PDLIM2: variants seen among roughly 807,000 people sequenced by gnomAD.
PDLIM2 encodes PDZ and LIM domain 2.
A neutral mutation model predicts 54.1 loss-of-function variants in PDLIM2; 51 were observed. That is an observed-to-expected ratio of 0.94 (90% CI 0.75 to 1.19). PDLIM2 has a LOEUF of 1.19. Ranked by LOEUF, PDLIM2 falls within the 50% of genes most tolerant of loss-of-function variation. PDLIM2 has a pLI of 0.00. For missense variants in PDLIM2, 912 were observed against 874.0 expected, an observed-to-expected ratio of 1.04 and a Z score of -0.55; for synonymous variants, 398 against 385.6, an observed-to-expected ratio of 1.03 and a Z score of -0.38.
chr8:22,595,438 A>T (rs1221805670), downstream of PDLIM2: 1 of 152,214 alleles, frequency 6.6e-6, no homozygotes, highest in African/African-American at 2.4e-5. Context: ...TCACGGGGCA[A>T]CACTGGGCTT....
rs574629396 is a variant in PDLIM2 at position 22,590,164 on chromosome 8, G to C, written c.1513+423G>C. The C allele has an allele frequency of 1.1e-3, 205 of 190,284 alleles. 1 individual carries two copies. Among genetic ancestry groups the C allele is most frequent in the Non-Finnish European group, 1.9e-3 (175 of 90,992 alleles). 11.8% of individuals were successfully genotyped at this position (190,284 alleles called of 1,614,324 possible). On this transcript the variant is annotated intron_variant, in intron 8 of 9. Coordinates refer to ENST00000308354, the Ensembl canonical transcript of PDLIM2. ...GAAGGTGGAGGCTGGCGGCCAGAGG[G>C]CTTTGGGGTGTGGGAGTGAGAGAAT...
Position 22,584,906 on chromosome 8 carries a change from C to T in PDLIM2, c.1065+16C>T, listed in dbSNP as rs766359450. 28 of 1,614,088 alleles carry T rather than the reference C, an allele frequency of 1.7e-5. No homozygotes were observed. The highest frequency in any genetic ancestry group is 2.2e-5 in the Non-Finnish European group (26 of 1,179,982). On this transcript the variant is annotated intron_variant, in intron 4 of 9. Transcript: ENST00000308354. ...TCGCTTCCAGGTAAGCTGGTGCCCT[C>T]CCCTGACAGCCTCAGCACCCTGATC...
intron 9 of PDLIM2, chr8:22,592,019 AT>A: frequency 1.2e-5 from 2 of 164,094 alleles, no homozygotes; most frequent in Non-Finnish European, 2.4e-5. Context: ...AGCAGGCTGC[AT>A]TTTTCCCGAT....
At chr8:22,580,996 C>G in intron 2 of PDLIM2, 1 of 658,348 alleles carries the variant, frequency 1.5e-6, no homozygotes, top group Non-Finnish European at 2.9e-6. Flanking sequence ...AACAAGAGCC[C>G]CGGAGTTCTT....
chr8:22,581,183 G>A, intron 2 of PDLIM2, 196 bp from the exon 2 acceptor site: 1 of 674,324 alleles, frequency 1.5e-6, no homozygotes, highest in Non-Finnish European at 2.6e-6. Context: ...GAATGCCAGT[G>A]TGGGGTGGGG....
At chr8:22,587,849 G>A (rs545475959) in intron 6 of PDLIM2, 1 of 152,492 alleles carries the variant, frequency 6.6e-6, no homozygotes, top group African/African-American at 2.4e-5. Flanking sequence ...AGAGCTGGAG[G>A]CTCAGGATGC....
chr8:22,586,058 C>T lies in PDLIM2; in HGVS notation c.1290+659C>T, dbSNP rs566687915. 5.0e-4 allele frequency among the ~76,000 whole-genome samples: 76 copies of T among 152,212 alleles called. No homozygotes were observed. In the South Asian group the frequency reaches 0.013, roughly 26 times the overall value. On this transcript the variant is annotated intron_variant, in intron 6 of 9. Coordinates refer to ENST00000308354, the Ensembl canonical transcript of PDLIM2. ...AGTGAGGCAGCCAACAGCCCTGGGC[C>T]GCAGCTGCTGGGGACGGCGTGGGGG...
At chr8:22,589,630 G>A (rs751739699) in exon 8 of PDLIM2, 6 of 1,597,970 alleles carry the variant, frequency 3.8e-6, no homozygotes, top group South Asian at 2.3e-5. Context: ...CCTCCTGGAC[G>A]AGGACTCGGA....
chr8:22,586,079 G>T lies in PDLIM2; in HGVS notation c.1290+680G>T, dbSNP rs535456047. Among the ~76,000 whole-genome samples the T allele has an allele frequency of 7.2e-5, 11 of 152,260 alleles. No individual in the cohort carries two copies. The South Asian group carries it at 1.2e-3, about 17-fold the overall frequency. ...GGGCCGCAGCTGCTGGGGACGGCGT[G>T]GGGGGCACGTCCAGCCTTTGGGGTG... On this transcript the variant is annotated intron_variant, in intron 6 of 9. Coordinates refer to ENST00000308354, the Ensembl canonical transcript of PDLIM2.
At position 22,585,027 on chromosome 8, in the gene PDLIM2, G is replaced by A. The variant is rs201303607; in HGVS notation, c.1076G>A (p.Arg359Lys). 59 of 1,613,958 alleles carry A rather than the reference G, an allele frequency of 3.7e-5. No individual in the cohort carries two copies. In the African/African-American group the frequency reaches 6.1e-4, roughly 17 times the overall value. Reference sequence around the variant, plus strand: ...TCACTCTCTCCACAGGGCTCCGTGAGGACATACACTGAGAGTCAGTCCTCC... The same window carrying A: ...TCACTCTCTCCACAGGGCTCCGTGAAGACATACACTGAGAGTCAGTCCTCC... The change falls in exon 5 of 10, where the codon AGG (arginine) becomes AAG (lysine). Residue 359 changes from arginine (R) to lysine (K), a missense_variant. Arg to Lys is a conservative substitution (Grantham distance 26). Coordinates refer to ENST00000308354, the Ensembl canonical transcript of PDLIM2.
chr8:22,586,341 A>C lies in PDLIM2; in HGVS notation c.1290+942A>C, dbSNP rs562422143. 2.6e-5 allele frequency among the ~76,000 whole-genome samples: 4 copies of C among 152,340 alleles called. No individual in the cohort carries two copies. The South Asian group carries it at 6.2e-4, about 24-fold the overall frequency. Reference sequence around the variant, plus strand: ...GATATATTCCATGGGTCCCCTTGTTAAGGAATTGAAGATGCAGTTGTAGAG... The same window carrying C: ...GATATATTCCATGGGTCCCCTTGTTCAGGAATTGAAGATGCAGTTGTAGAG... On this transcript the variant is annotated intron_variant, in intron 6 of 9. Transcript: ENST00000308354.
downstream of PDLIM2, chr8:22,596,455 T>C (rs1394437773): frequency 6.6e-6 from 1 of 152,176 alleles, no homozygotes. Flanking sequence ...AACGGAGTTA[T>C]GAGTTGGTCA....
At chr8:22,584,136 G>A (rs1373268882) in intron 3 of PDLIM2, among the ~76,000 whole-genome samples, 2 of 151,590 alleles carry the variant, frequency 1.3e-5, no homozygotes, top group East Asian at 1.9e-4. Flanking sequence ...CAAGTAGCTG[G>A]TGTTACAGGC....
intron 6 of PDLIM2, chr8:22,588,403 C>G (rs945578644): frequency 6.6e-6 from 1 of 152,380 alleles, no homozygotes; most frequent in African/African-American, 2.4e-5. Context: ...GTTGGCTTCC[C>G]AGGAAATGGT....
chr8:22,589,321 C>T (rs1295591936), exon 7 of PDLIM2: 4 of 1,534,162 alleles, frequency 2.6e-6, no homozygotes, highest in East Asian at 4.9e-5. Flanking sequence ...GCGCTGGCGA[C>T]TCGGCGGTGC....
At chr8:22,586,398 A>C (rs1235951800) in intron 6 of PDLIM2, among the ~76,000 whole-genome samples, 2 of 152,190 alleles carry the variant, frequency 1.3e-5, no homozygotes, top group African/African-American at 4.8e-5. Flanking sequence ...ATTTTGGAGC[A>C]ATTAGGCACT....
intron 9 of PDLIM2, chr8:22,593,176 T>C (rs919932637): frequency 2.0e-5 from 3 of 152,754 alleles, no homozygotes; most frequent in Admixed American, 6.5e-5. Flanking sequence ...GGCTGACTTA[T>C]TTATTTTTAT....
chr8:22,597,875 G>A (rs1372861631), downstream of PDLIM2: 2 of 152,526 alleles, frequency 1.3e-5, no homozygotes, highest in Non-Finnish European at 2.9e-5. Flanking sequence ...GCAACCCAGA[G>A]GACCCATGGC....
exon 6 of PDLIM2, chr8:22,585,357 T>A: frequency 1.9e-6 from 3 of 1,612,608 alleles, no homozygotes; most frequent in Non-Finnish European, 2.5e-6. Context: ...GCCTCCCCGC[T>A]GCTGACCGCC....
Sources: gnomAD v4.1 joint callset for allele counts (sites outside exome capture counted in the v4.1 genomes callset) on GRCh38, gnomAD v4.1.1 for gene constraint, MANE v1.5 for transcripts, NCBI Gene and HGNC (gene_info 2026-07-23, HGNC 2026-07-21) for gene names.